IPO11: variants seen among roughly 807,000 people sequenced by gnomAD.
IPO11 encodes the protein importin-11.
IPO11 carries 66 observed loss-of-function variants against 143.2 expected under a neutral mutation model. That is an observed-to-expected ratio of 0.46 (90% CI 0.38 to 0.57). The LOEUF (loss-of-function observed/expected upper bound fraction) is 0.57. IPO11 is among the 20% of genes least tolerant of loss of function. The pLI is 0.00. For synonymous variants in IPO11, 385 were observed against 377.8 expected (o/e 1.02, Z -0.22); for missense variants, 1,026 against 1,141.0 (o/e 0.90, Z 1.45).
chr5:62,558,917 C>A (rs1393517547), intron 26 of IPO11, among the ~76,000 whole-genome samples: 1 of 152,146 alleles, frequency 6.6e-6, no homozygotes, highest in African/African-American at 2.4e-5. Flanking sequence ...TAGCAAAAGT[C>A]ATATACATTT....
chr5:62,514,051 G>T, intron 19 of IPO11, among the ~76,000 whole-genome samples: 1 of 151,032 alleles, frequency 6.6e-6, no homozygotes, highest in African/African-American at 2.5e-5. Flanking sequence ...GGGACGAGGC[G>T]CTCCTCACTT....
chr5:62,515,763 T>A (rs1741991642), intron 20 of IPO11, among the ~76,000 whole-genome samples: 1 of 152,200 alleles, frequency 6.6e-6, no homozygotes, highest in Non-Finnish European at 1.5e-5. Flanking sequence ...GTTCATGCAG[T>A]CCATGGCACC....
At chr5:62,489,378 A>G in intron 14 of IPO11, 29 bp downstream of exon 14, 1 of 1,480,768 alleles carries the variant, frequency 6.8e-7, no homozygotes, top group Non-Finnish European at 9.2e-7. Flanking sequence ...ATTTAGAAGC[A>G]TTTATTTATT....
At chr5:62,593,403 C>T (rs1745105688) in intron 28 of IPO11, among the ~76,000 whole-genome samples, 1 of 152,094 alleles carries the variant, frequency 6.6e-6, no homozygotes, top group African/African-American at 2.4e-5. Context: ...AATCCCAGCA[C>T]TTTGAGAGAC....
chr5:62,457,066 C>G (rs1745186187), intron 5 of IPO11, among the ~76,000 whole-genome samples: 1 of 152,126 alleles, frequency 6.6e-6, no homozygotes, highest in African/African-American at 2.4e-5. Flanking sequence ...GGCAACAGAG[C>G]AAGACTCTGT....
chr5:62,459,765 G>A (rs1192087465), intron 5 of IPO11, among the ~76,000 whole-genome samples: 1 of 152,090 alleles, frequency 6.6e-6, no homozygotes, highest in African/African-American at 2.4e-5. Context: ...TGGCCAGGCT[G>A]GTCACGAACT....
Position 62,583,507 on chromosome 5 carries a change from A to G in IPO11, c.2583-8070A>G, listed in dbSNP as rs927114336. On this transcript the variant is annotated intron_variant, in intron 27 of 29. Coordinates refer to ENST00000325324, the MANE Select transcript of IPO11 (RefSeq NM_016338.5). The stretch of plus-strand genomic sequence containing the variant: ...TGATTTAGACTCAACTAGAAAACCA[A>G]TTATATTAATATCAATTTATATATG... Among the ~76,000 whole-genome samples, 4 of 152,328 alleles carry G rather than the reference A, an allele frequency of 2.6e-5. No homozygotes were observed. The East Asian group carries it at 5.8e-4, about 22-fold the overall frequency.
chr5:62,417,130 T>C (rs993415602), intron 1 of IPO11, among the ~76,000 whole-genome samples: 1 of 151,370 alleles, frequency 6.6e-6, no homozygotes, highest in Non-Finnish European at 1.5e-5. Flanking sequence ...GTTTTTTTTT[T>C]TCTCCTTTTT....
intron 9 of IPO11, among the ~76,000 whole-genome samples, chr5:62,480,489 A>G (rs1746148724): frequency 1.3e-5 from 2 of 152,248 alleles, no homozygotes; most frequent in South Asian, 4.1e-4. Context: ...AGTCATTGGT[A>G]GCTTGATGGA....
intron 1 of IPO11, among the ~76,000 whole-genome samples, chr5:62,433,405 C>G (rs1028767706): frequency 1.3e-5 from 2 of 152,066 alleles, no homozygotes; most frequent in Admixed American, 6.6e-5. Flanking sequence ...ACTGTAGGCA[C>G]GTTCGTATAT....
intron 4 of IPO11, among the ~76,000 whole-genome samples, chr5:62,451,118 A>C (rs920927978): frequency 1.3e-5 from 2 of 152,244 alleles, no homozygotes; most frequent in African/African-American, 4.8e-5. Flanking sequence ...ACTGATATGT[A>C]GAAATATCAT....
intron 28 of IPO11, among the ~76,000 whole-genome samples, chr5:62,597,255 A>AT (rs1377452180): frequency 4.6e-5 from 7 of 152,188 alleles, no homozygotes; most frequent in African/African-American, 1.7e-4. Flanking sequence ...AATTACCAGG[A>AT]TAAAAAAAAG....
Position 62,449,914 on chromosome 5 carries a change from T to C in IPO11, c.240-13T>C. ...CATTCTTTTGCATAATCAATACTTT[T>C]TTTTTTTTACAGTGCTCTCTCAGAG... is the stretch of plus-strand genomic sequence containing the variant. On this transcript the variant is annotated splice_polypyrimidine_tract_variant and intron_variant, in intron 3 of 29. Transcript: ENST00000325324. The C allele has an allele frequency of 1.3e-6, 2 of 1,545,128 alleles. No homozygotes were observed. The highest frequency in any genetic ancestry group is 2.3e-5 in the East Asian group (1 of 42,728).
At chr5:62,417,895 A>G (rs1462759053) in intron 1 of IPO11, among the ~76,000 whole-genome samples, 1 of 152,192 alleles carries the variant, frequency 6.6e-6, no homozygotes, top group Non-Finnish European at 1.5e-5. Context: ...GAAAAGCCCA[A>G]AATCTTAATT....
At chr5:62,504,020 C>T (rs141507074) in intron 16 of IPO11, among the ~76,000 whole-genome samples, 1 of 152,202 alleles carries the variant, frequency 6.6e-6, no homozygotes, top group East Asian at 1.9e-4. Context: ...TAGCCCATGC[C>T]AATTTTAGCC....
At chr5:62,503,369 C>CTACTAATATATTAATAGT (rs1561338245) in intron 16 of IPO11, among the ~76,000 whole-genome samples, 128 of 140,700 alleles carry the variant, frequency 9.1e-4, no homozygotes, top group African/African-American at 3.2e-3. Flanking sequence ...TTAATAGTAT[C>CTACTAATATATTAATAGT]TACTAATATA....
intron 19 of IPO11, among the ~76,000 whole-genome samples, chr5:62,509,807 T>C (rs1398004108): frequency 6.6e-6 from 1 of 152,246 alleles, no homozygotes; most frequent in Non-Finnish European, 1.5e-5. Context: ...GATGGATATT[T>C]AGGCTGCTTC....
intron 29 of IPO11, among the ~76,000 whole-genome samples, chr5:62,619,205 G>C (rs1343554373): frequency 6.6e-6 from 1 of 152,160 alleles, no homozygotes; most frequent in Non-Finnish European, 1.5e-5. Context: ...CTCCAGCCTG[G>C]GAGACACAGC....
chr5:62,518,140 TAAAAA>T (rs34629573), intron 20 of IPO11, among the ~76,000 whole-genome samples: 113 of 120,292 alleles, frequency 9.4e-4, no homozygotes, highest in African/African-American at 3.1e-3. Context: ...CCGTGCCTAC[TAAAAA>T]AAAAAAAAAA....
Sources: allele counts gnomAD v4.1 joint callset (sites outside exome capture counted in the v4.1 genomes callset), GRCh38; gene constraint gnomAD v4.1.1; transcripts MANE v1.5; gene names NCBI Gene and HGNC (gene_info 2026-07-23, HGNC 2026-07-21).